The following NLGN1 variants were observed in gnomAD, a reference collection of about 807,000 sequenced individuals.
NLGN1 encodes the protein neuroligin-1.
NLGN1 carries 12 observed loss-of-function variants against 65.5 expected under a neutral mutation model. That is an observed-to-expected ratio of 0.18 (90% CI 0.12 to 0.30). The LOEUF (loss-of-function observed/expected upper bound fraction) is 0.30. NLGN1 is among the 10% of genes least tolerant of loss of function. The pLI is 1.00. For missense variants in NLGN1, 750 were observed against 1,007.1 expected, an observed-to-expected ratio of 0.74 and a Z score of 3.46; for synonymous variants, 350 against 359.5, an observed-to-expected ratio of 0.97 and a Z score of 0.30.
chr3:173,502,458 A>G (rs1286835751), intron 2 of NLGN1, among the ~76,000 whole-genome samples: 1 of 152,136 alleles, frequency 6.6e-6, no homozygotes, highest in Non-Finnish European at 1.5e-5. Flanking sequence ...CTTCCAGAGA[A>G]TATGAGCTAC....
At chr3:173,731,354 T>G (rs1772811825) in intron 3 of NLGN1, among the ~76,000 whole-genome samples, 1 of 152,120 alleles carries the variant, frequency 6.6e-6, no homozygotes, top group Admixed American at 6.6e-5. Context: ...TGTAAAATCA[T>G]TTAAATATAA....
In NLGN1 at chr3:173,577,462, A is replaced by G. The variant is rs529319296; in HGVS notation, c.-320-26817A>G. On this transcript the variant is annotated intron_variant, in intron 2 of 6. Transcript: ENST00000457714. ...CCTTCTCTCCCTTCCTCCTAGTACA[A>G]TTTATAAATAAAGGGTCAAAATTTA... Among the ~76,000 whole-genome samples, 4 of 152,244 alleles carry G rather than the reference A, an allele frequency of 2.6e-5. No individual in the cohort carries two copies. The East Asian group carries it at 7.7e-4, about 29-fold the overall frequency.
chr3:174,008,452 C>T (rs1393817796), intron 4 of NLGN1, among the ~76,000 whole-genome samples: 2 of 150,716 alleles, frequency 1.3e-5, no homozygotes, highest in African/African-American at 2.4e-5. Flanking sequence ...CCTGAGTTCC[C>T]ATTGCTTCCC....
chr3:173,743,362 G>A (rs1052489623), intron 3 of NLGN1, among the ~76,000 whole-genome samples: 22 of 152,166 alleles, frequency 1.4e-4, no homozygotes, highest in African/African-American at 5.3e-4. Context: ...ATTTCGTAGT[G>A]ACTAAGCACC....
intron 4 of NLGN1, among the ~76,000 whole-genome samples, chr3:173,832,687 C>A (rs955849430): frequency 6.6e-6 from 1 of 152,050 alleles, no homozygotes; most frequent in East Asian, 1.9e-4. Flanking sequence ...TTCTATCTCA[C>A]GTTAAAAACA....
At chr3:173,994,757 G>A (rs1005528147) in intron 4 of NLGN1, among the ~76,000 whole-genome samples, 2 of 152,086 alleles carry the variant, frequency 1.3e-5, no homozygotes, top group African/African-American at 4.8e-5. Context: ...TGATATTTTT[G>A]TTTTTAAACT....
At chr3:174,196,736 A>G (rs1054493333) in intron 4 of NLGN1, among the ~76,000 whole-genome samples, 6 of 152,228 alleles carry the variant, frequency 3.9e-5, no homozygotes, top group African/African-American at 1.4e-4. Flanking sequence ...AATCAGTTAA[A>G]TTTTAAATAA....
At chr3:174,170,685 A>G (rs1189426688) in intron 4 of NLGN1, among the ~76,000 whole-genome samples, 1 of 152,250 alleles carries the variant, frequency 6.6e-6, no homozygotes, top group Non-Finnish European at 1.5e-5. Flanking sequence ...CATTTTAAAC[A>G]TATGGCACTA....
At chr3:173,892,074 G>A (rs1735446174) in intron 4 of NLGN1, among the ~76,000 whole-genome samples, 1 of 152,020 alleles carries the variant, frequency 6.6e-6, no homozygotes, top group African/African-American at 2.4e-5. Context: ...GTGTATCATG[G>A]AATCCTGATG....
chr3:173,409,260 A>T (rs1379127700), intron 1 of NLGN1, among the ~76,000 whole-genome samples: 1 of 152,234 alleles, frequency 6.6e-6, no homozygotes, highest in Non-Finnish European at 1.5e-5. Flanking sequence ...TGCCATATGT[A>T]TACATATATA....
At chr3:173,715,486 G>A (rs917564340) in intron 3 of NLGN1, among the ~76,000 whole-genome samples, 3 of 152,114 alleles carry the variant, frequency 2.0e-5, no homozygotes, top group African/African-American at 4.8e-5. Flanking sequence ...GAGCTTTAAT[G>A]TTTAGGATTC....
intron 2 of NLGN1, among the ~76,000 whole-genome samples, chr3:173,482,205 T>G (rs1246204039): frequency 6.6e-6 from 1 of 151,922 alleles, no homozygotes. Context: ...ATGTTTAGAT[T>G]ACAGTCATCT....
At chr3:174,174,257 G>T (rs2152738506) in intron 4 of NLGN1, among the ~76,000 whole-genome samples, 1 of 152,038 alleles carries the variant, frequency 6.6e-6, no homozygotes, top group Non-Finnish European at 1.5e-5. Flanking sequence ...CCATGTTTTT[G>T]CAAGTGTAAT....
At chr3:173,693,514 C>A (rs2149835651) in intron 3 of NLGN1, among the ~76,000 whole-genome samples, 1 of 152,090 alleles carries the variant, frequency 6.6e-6, no homozygotes, top group African/African-American at 2.4e-5. Context: ...ATTATCTATT[C>A]ATTGAAGAGA....
intron 3 of NLGN1, among the ~76,000 whole-genome samples, chr3:173,622,390 A>T (rs1351198249): frequency 1.3e-5 from 2 of 152,074 alleles, no homozygotes; most frequent in African/African-American, 4.8e-5. Flanking sequence ...CCTGAGACTC[A>T]TACACCTAGA....
chr3:173,814,309 A>T (rs1718587231), intron 4 of NLGN1, among the ~76,000 whole-genome samples: 1 of 152,214 alleles, frequency 6.6e-6, no homozygotes, highest in African/African-American at 2.4e-5. Context: ...GGTTTATTTG[A>T]TCCATAGATT....
At chr3:173,506,594 G>A (rs1172858871) in intron 2 of NLGN1, among the ~76,000 whole-genome samples, 1 of 151,982 alleles carries the variant, frequency 6.6e-6, no homozygotes, top group East Asian at 1.9e-4. Flanking sequence ...AATTATGGTA[G>A]CTATTAAACC....
intron 4 of NLGN1, among the ~76,000 whole-genome samples, chr3:174,130,838 A>G (rs1720037023): frequency 6.6e-6 from 1 of 152,222 alleles, no homozygotes; most frequent in Non-Finnish European, 1.5e-5. Flanking sequence ...CTGAAAGTTA[A>G]GAGCATGTAG....
chr3:173,822,927 A>G (rs1720606360), intron 4 of NLGN1, among the ~76,000 whole-genome samples: 1 of 151,868 alleles, frequency 6.6e-6, no homozygotes, highest in African/African-American at 2.4e-5. Context: ...GTCTTTATAT[A>G]ATAGTTTTTA....
Sources: gnomAD v4.1 joint callset for allele counts (sites outside exome capture counted in the v4.1 genomes callset) on GRCh38, gnomAD v4.1.1 for gene constraint, MANE v1.5 for transcripts, NCBI Gene and HGNC (gene_info 2026-07-23, HGNC 2026-07-21) for gene names.